The following TRAPPC9 variants were observed in gnomAD, a reference collection of about 807,000 sequenced individuals.
TRAPPC9 encodes IKK2 binding protein.
In TRAPPC9, 83 loss-of-function variants were observed where a neutral mutation model predicts 124.0. The ratio of observed to expected loss-of-function variants is 0.67; its 90% CI spans 0.56 to 0.80. The LOEUF is 0.80. Among genes scored for constraint, TRAPPC9 ranks in the 30% least tolerant of loss-of-function variants. The probability of loss-of-function intolerance (pLI) is 0.00; values close to 1 mark genes in which losing one functional copy is unlikely to be tolerated. For missense variants in TRAPPC9, 1,302 were observed against 1,508.3 expected (o/e 0.86, Z 2.27); for synonymous variants, 638 against 617.5 (o/e 1.03, Z -0.49).
At chr8:140,438,929 T>C (rs1360948972) in intron 3 of TRAPPC9, 123 bp downstream of exon 3, 1 of 1,185,750 alleles carries the variant, frequency 8.4e-7, no homozygotes, top group Non-Finnish European at 1.2e-6. Context: ...TGACCTCATA[T>C]TTGGCCTGCC....
chr8:139,831,298 T>C (rs2130842644), intron 21 of TRAPPC9, among the ~76,000 whole-genome samples: 1 of 152,166 alleles, frequency 6.6e-6, no homozygotes, highest in South Asian at 2.1e-4. Flanking sequence ...GATCTGCTTG[T>C]GCCGAGACCT....
At chr8:140,203,025 CAAACTT>C (rs1450668219) in intron 17 of TRAPPC9, among the ~76,000 whole-genome samples, 1 of 152,144 alleles carries the variant, frequency 6.6e-6, no homozygotes, top group African/African-American at 2.4e-5. Flanking sequence ...TAGCTGAAAA[CAAACTT>C]AAAAGCAAAA....
chr8:139,860,580 G>C (rs1419546536), intron 21 of TRAPPC9, among the ~76,000 whole-genome samples: 1 of 151,978 alleles, frequency 6.6e-6, no homozygotes, highest in Non-Finnish European at 1.5e-5. Context: ...ACCAGGCCTG[G>C]AGCTCAAGGC....
upstream of TRAPPC9, chr8:140,458,393 AC>A (rs765943218): frequency 3.8e-6 from 6 of 1,596,162 alleles, no homozygotes; most frequent in East Asian, 4.5e-5. Context: ...CCCTCACGGT[AC>A]CCCCCGTGAC....
chr8:140,167,145 CAA>C (rs35081157), intron 17 of TRAPPC9, among the ~76,000 whole-genome samples: 24 of 142,508 alleles, frequency 1.7e-4, no homozygotes, highest in East Asian at 2.0e-4. Flanking sequence ...TCATAGCTTT[CAA>C]AAAAAAAAAA....
At chr8:140,269,737 A>C (rs1443849757) in intron 15 of TRAPPC9, among the ~76,000 whole-genome samples, 1 of 152,264 alleles carries the variant, frequency 6.6e-6, no homozygotes, top group East Asian at 1.9e-4. Context: ...GTATTCTTAT[A>C]ATAAAAGTTT....
At chr8:139,794,702 C>A (rs1822925370) in intron 21 of TRAPPC9, among the ~76,000 whole-genome samples, 1 of 152,202 alleles carries the variant, frequency 6.6e-6, no homozygotes, top group Admixed American at 6.5e-5. Context: ...GTGCTTCTGC[C>A]TGGGAGTTCT....
intron 6 of TRAPPC9, chr8:140,405,245 A>G (rs1369553296): frequency 3.9e-6 from 1 of 255,162 alleles, no homozygotes. Flanking sequence ...CACACAGTAC[A>G]TAAGTATGCT....
intron 9 of TRAPPC9, among the ~76,000 whole-genome samples, chr8:140,350,627 G>C (rs562347480): frequency 7.1e-4 from 108 of 152,098 alleles, no homozygotes; most frequent in Non-Finnish European, 1.0e-3. Context: ...CGGGGGTCAC[G>C]GTGGTCTCCT....
At chr8:139,731,316 T>C (rs2129925123) in intron 22 of TRAPPC9, 88 bp from the exon 23 acceptor site, 1 of 1,515,230 alleles carries the variant, frequency 6.6e-7, no homozygotes, top group South Asian at 1.2e-5. Flanking sequence ...TGCCTGGACA[T>C]AGGTGTTATG....
At chr8:140,171,855 C>A (rs1290232061) in intron 17 of TRAPPC9, among the ~76,000 whole-genome samples, 1 of 152,176 alleles carries the variant, frequency 6.6e-6, no homozygotes, top group Non-Finnish European at 1.5e-5. Flanking sequence ...CCGCACCAAC[C>A]AAGGCACTGT....
At chr8:140,247,388 C>T (rs187833696) in intron 16 of TRAPPC9, among the ~76,000 whole-genome samples, 45 of 152,306 alleles carry the variant, frequency 3.0e-4, no homozygotes, top group African/African-American at 1.0e-3. Context: ...AATACTGCTG[C>T]TGTCAAAAAG....
At chr8:139,996,176 A>AAAAAAAG (rs1837973649) in intron 18 of TRAPPC9, among the ~76,000 whole-genome samples, 10 of 144,906 alleles carry the variant, frequency 6.9e-5, no homozygotes, top group Non-Finnish European at 1.4e-4. Flanking sequence ...AAAAAAAAAA[A>AAAAAAAG]AAAAAAGAAA....
At chr8:140,350,261 C>T (rs954647263) in intron 9 of TRAPPC9, among the ~76,000 whole-genome samples, 3 of 152,170 alleles carry the variant, frequency 2.0e-5, no homozygotes, top group Admixed American at 6.5e-5. Context: ...CTGTATTCAG[C>T]GACGTCTGCT....
intron 7 of TRAPPC9, among the ~76,000 whole-genome samples, chr8:140,373,963 G>A (rs571365657): frequency 2.0e-5 from 3 of 152,332 alleles, no homozygotes; most frequent in Admixed American, 2.0e-4. Flanking sequence ...CTCCCGGTCT[G>A]TTGCCGATTT....
chr8:139,881,362 T>C (rs1186888591), intron 21 of TRAPPC9: 1 of 152,164 alleles, frequency 6.6e-6, no homozygotes, highest in East Asian at 1.9e-4. Flanking sequence ...CTTAATAATT[T>C]AACAAAAATA....
intron 19 of TRAPPC9, among the ~76,000 whole-genome samples, chr8:139,950,208 G>A (rs191389281): frequency 7.9e-5 from 12 of 152,348 alleles, no homozygotes; most frequent in Admixed American, 5.2e-4. Context: ...CTTAGTCCTC[G>A]TCTATGGAAT....
At chr8:139,910,970 A>G (rs1358682596) in intron 19 of TRAPPC9, among the ~76,000 whole-genome samples, 2 of 152,294 alleles carry the variant, frequency 1.3e-5, no homozygotes, top group East Asian at 3.9e-4. Flanking sequence ...AGACTTTGGG[A>G]GACCGTTGGG....
At chr8:139,923,595 C>T (rs1832637042) in intron 19 of TRAPPC9, among the ~76,000 whole-genome samples, 1 of 152,264 alleles carries the variant, frequency 6.6e-6, no homozygotes, top group Admixed American at 6.5e-5. Context: ...TCTCCCTGTG[C>T]TTCTAGTGGC....
Sources: allele counts gnomAD v4.1 joint callset (sites outside exome capture counted in the v4.1 genomes callset), GRCh38; gene constraint gnomAD v4.1.1; transcripts MANE v1.5; gene names NCBI Gene and HGNC (gene_info 2026-07-23, HGNC 2026-07-21).